Variants in AKIRIN1 observed in about 807,000 individuals in gnomAD.
AKIRIN1 encodes the protein akirin-1.
AKIRIN1 carries 4 observed loss-of-function variants against 25.9 expected under a neutral mutation model. That is an observed-to-expected ratio of 0.15 (90% CI 0.08 to 0.35). The LOEUF (loss-of-function observed/expected upper bound fraction) is 0.35. Ranked by LOEUF, AKIRIN1 falls within the 10% of genes least tolerant of loss-of-function variation. AKIRIN1 has a pLI of 1.00. For synonymous variants in AKIRIN1, 125 were observed against 105.1 expected, an observed-to-expected ratio of 1.19 and a Z score of -1.16; for missense variants, 243 against 266.1, an observed-to-expected ratio of 0.91 and a Z score of 0.61.
intron 2 of AKIRIN1, 88 bp from the exon 3 acceptor site, chr1:39,000,884 T>A: frequency 7.1e-7 from 1 of 1,416,180 alleles, no homozygotes; most frequent in South Asian, 1.5e-5. Context: ...CCACCTCAGA[T>A]GATCCGCCTG....
chr1:38,991,517 C>A lies in AKIRIN1; in HGVS notation c.137C>A (p.Pro46Gln). 6.9e-7 allele frequency: 1 copy of A among 1,456,106 alleles called. No homozygotes were observed. The highest frequency in any genetic ancestry group is 9.0e-7 in the Non-Finnish European group (1 of 1,108,924). 90.2% of individuals were successfully genotyped at this position (1,456,106 alleles called of 1,614,324 possible). ...PGLRPPDAEP[P>Q]PPFQTQTPPQ... The stretch of plus-strand genomic sequence containing the variant: ...CTCAGGCCCCCGGACGCCGAGCCGC[C>A]GCCGCCGTTTCAGACGCAGACCCCA... Residue 46 changes from proline to glutamine, a missense_variant, in exon 1 of 5, where the codon CCG (proline) becomes CAG (glutamine). Physicochemically the swap from Pro to Gln is moderately conservative, Grantham distance 76 (BLOSUM62 -1). Transcript: ENST00000432648.
chr1:39,003,525 C>A, intron 4 of AKIRIN1, 107 bp downstream of exon 4: 2 of 1,006,968 alleles, frequency 2.0e-6, no homozygotes, highest in South Asian at 1.4e-5. Flanking sequence ...TAAAATGTGC[C>A]CAGCACTATG....
intron 3 of AKIRIN1, among the ~76,000 whole-genome samples, chr1:39,002,867 T>A (rs1360880385): frequency 1.3e-5 from 2 of 152,248 alleles, no homozygotes; most frequent in Admixed American, 6.5e-5. Flanking sequence ...CAGTTTCCCC[T>A]TAAAAGGTGG....
chr1:39,002,470 C>T (rs893505500), intron 3 of AKIRIN1, among the ~76,000 whole-genome samples: 3 of 152,192 alleles, frequency 2.0e-5, no homozygotes, highest in African/African-American at 7.2e-5. Flanking sequence ...GTGGCTCACG[C>T]CTGTAATCCC....
At chr1:39,000,806 C>T (rs1231272288) in intron 2 of AKIRIN1, among the ~76,000 whole-genome samples, 166 bp from the exon 3 acceptor site, 1 of 151,562 alleles carries the variant, frequency 6.6e-6, no homozygotes, top group African/African-American at 2.4e-5. Context: ...ATGGGCATGC[C>T]CTACCACGCC....
rs1644030778 is a variant in AKIRIN1, at chr1:39,005,905, A to C, written c.*1850A>C. 1 of 152,200 alleles carries C rather than the reference A, an allele frequency of 6.6e-6. No individual in the cohort carries two copies. The highest frequency in any genetic ancestry group is 2.4e-5 in the African/African-American group (1 of 41,450). 9.4% of individuals were successfully genotyped at this position (152,200 alleles called of 1,614,324 possible). On this transcript the variant is annotated 3_prime_UTR_variant, in exon 5 of 5. Transcript: ENST00000432648. Reference sequence around the variant, plus strand: ...GCTATTTGTTTACCTTGCCTTCTTAATACTGTGATAATGTTTATTAATTCA... The same window carrying C: ...GCTATTTGTTTACCTTGCCTTCTTACTACTGTGATAATGTTTATTAATTCA...
chr1:38,998,136 A>C, intron 1 of AKIRIN1, 35 bp from the exon 2 acceptor site: 1 of 1,589,682 alleles, frequency 6.3e-7, no homozygotes, highest in Non-Finnish European at 8.6e-7. Flanking sequence ...ATGAGACAAT[A>C]AAGTGAAAGC....
At chr1:39,001,202 C>G in intron 3 of AKIRIN1, 96 bp downstream of exon 3, 2 of 1,409,434 alleles carry the variant, frequency 1.4e-6, no homozygotes, top group South Asian at 1.5e-5. Context: ...GGACCTCATG[C>G]AAGGGAGTTT....
rs1458972133 is a variant in AKIRIN1 at position 39,001,117 on chromosome 1, G to A, written c.496+11G>A. On this transcript the variant is annotated intron_variant, in intron 3 of 4. Coordinates refer to ENST00000432648, the MANE Select transcript of AKIRIN1 (RefSeq NM_024595.3). ...ATACCAAACTAGCAGGTAGGCCCAGGCAGTGACTGCCATTGTCATTAACAG... is the reference window on the plus strand; with the variant it reads ...ATACCAAACTAGCAGGTAGGCCCAGACAGTGACTGCCATTGTCATTAACAG... 1.2e-6 allele frequency: 2 copies of A among 1,601,650 alleles called. No individual in the cohort carries two copies. Among genetic ancestry groups the A allele is most frequent in the Middle Eastern group, 3.3e-4 (2 of 6,002 alleles).
At chr1:39,000,131 G>A (rs138235861) in intron 2 of AKIRIN1, among the ~76,000 whole-genome samples, 1,534 of 151,700 alleles carry the variant, frequency 0.01, 23 homozygotes, top group African/African-American at 0.035. Context: ...TGATCAACCC[G>A]TCTTGGCCTC....
At chr1:38,991,668 G>GT in intron 1 of AKIRIN1, 68 bp downstream of exon 1, 3 of 648,120 alleles carry the variant, frequency 4.6e-6, no homozygotes, top group East Asian at 9.4e-5. Flanking sequence ...GGTGGTGGGG[G>GT]AGGGTTGGGA....
At position 38,994,324 on chromosome 1, in the gene AKIRIN1, G is replaced by C. The variant is rs1555747; in HGVS notation, c.220+2724G>C. Among the ~76,000 whole-genome samples the C allele has an allele frequency of 3.0e-3, 457 of 152,240 alleles. 2 individuals are homozygous for C. Among genetic ancestry groups the C allele is most frequent in the Non-Finnish European group, 3.7e-3 (255 of 68,014 alleles). On this transcript the variant is annotated intron_variant, in intron 1 of 4. Transcript: ENST00000432648. ...TCTGTATGGTACTTTTTGTGGAAAG[G>C]TCCTGTAAAACTAAGCCTTTTATTG...
Position 39,004,960 on chromosome 1 carries a change from G to A in AKIRIN1, c.*905G>A, listed in dbSNP as rs1644023584. ...CAGGGCTAGGCCTGGGCCAGGCCCC[G>A]GCAGCACTGCTACTTGGGAGGAGCC... On this transcript the variant is annotated 3_prime_UTR_variant, in exon 5 of 5. Transcript: ENST00000432648. 1.3e-5 allele frequency: 2 copies of A among 152,258 alleles called. No homozygotes were observed. Among genetic ancestry groups the A allele is most frequent in the African/African-American group, 4.8e-5 (2 of 41,444 alleles). 9.4% of individuals were successfully genotyped at this position (152,258 alleles called of 1,614,324 possible).
chr1:39,005,240 G>A lies in AKIRIN1; in HGVS notation c.*1185G>A, dbSNP rs1223893335. 8 of 151,850 alleles carry A rather than the reference G, an allele frequency of 5.3e-5. No homozygotes were observed. The highest frequency in any genetic ancestry group is 1.2e-4 in the Non-Finnish European group (8 of 67,986). 9.4% of individuals were successfully genotyped at this position (151,850 alleles called of 1,614,324 possible). A position where few individuals can be genotyped will look rare whatever the true frequency, so the allele number is the denominator to read the frequency against. On this transcript the variant is annotated 3_prime_UTR_variant, in exon 5 of 5. Coordinates refer to ENST00000432648, the MANE Select transcript of AKIRIN1 (RefSeq NM_024595.3). ...GGAGAATCACTTGAACCCTGGAGGT[G>A]GCGGTTGCAGTGAGCACAGATCATG...
At chr1:39,003,774 T>C (rs981239693) in intron 4 of AKIRIN1, among the ~76,000 whole-genome samples, 5 of 152,262 alleles carry the variant, frequency 3.3e-5, no homozygotes, top group African/African-American at 1.2e-4. Flanking sequence ...TTTATGAAAG[T>C]TGATTCCTTA....
chr1:39,001,733 A>G (rs1465032712), intron 3 of AKIRIN1, among the ~76,000 whole-genome samples: 3 of 152,194 alleles, frequency 2.0e-5, no homozygotes, highest in Non-Finnish European at 4.4e-5. Context: ...GCATTTCTGA[A>G]AAGAAACAAA....
chr1:38,994,648 G>A (rs1056078544), intron 1 of AKIRIN1, among the ~76,000 whole-genome samples: 2 of 142,094 alleles, frequency 1.4e-5, no homozygotes, highest in Admixed American at 7.5e-5. Flanking sequence ...TGGGATTACA[G>A]GCATGTGTCA....
chr1:38,998,201 A>G lies in AKIRIN1; in HGVS notation c.251A>G (p.Tyr84Cys), dbSNP rs1570973711. 2.5e-6 allele frequency: 4 copies of G among 1,612,698 alleles called. No individual in the cohort carries two copies. The highest frequency in any genetic ancestry group is 2.5e-6 in the Non-Finnish European group (3 of 1,179,492). ...EQIFQNIKQE[Y>C]SRYQRWRHLE... ...ATTTTTCAGAACATAAAACAAGAATATAGTCGTTATCAGAGGTGGAGACAT... is the reference window on the plus strand; with the variant it reads ...ATTTTTCAGAACATAAAACAAGAATGTAGTCGTTATCAGAGGTGGAGACAT... Residue 84 changes from tyrosine to cysteine, a missense_variant, in exon 2 of 5, where the codon TAT becomes TGT. Coordinates refer to ENST00000432648, the MANE Select transcript of AKIRIN1 (RefSeq NM_024595.3).
At position 38,998,175 on chromosome 1, in the gene AKIRIN1, A is replaced by T; in HGVS notation, c.225A>T (p.Gln75His). Residue 75 changes from glutamine to histidine, a missense_variant, in exon 2 of 5, where the codon CAA becomes CAT. By Grantham distance (24) the Gln-to-His change is conservative (BLOSUM62 0). Around this residue, in one of 3 missense-constraint regions of AKIRIN1, gnomAD observed 190 missense variants for 174.4 expected, o/e 1.09. Transcript: ENST00000432648. ...AGTTTGTTTCTTTTTTATTAGAGCAAATTTTTCAGAACATAAAACAAGAAT... is the reference window on the plus strand; with the variant it reads ...AGTTTGTTTCTTTTTTATTAGAGCATATTTTTCAGAACATAAAACAAGAAT... ...GSERRLPTPEQIFQNIKQEYS... is the reference protein window; with the variant it reads ...GSERRLPTPEHIFQNIKQEYS... The T allele has an allele frequency of 6.2e-7, 1 of 1,602,766 alleles. No individual in the cohort carries two copies. Among genetic ancestry groups the T allele is most frequent in the Non-Finnish European group, 8.5e-7 (1 of 1,176,052 alleles).
Sources: gnomAD v4.1 joint callset for allele counts (sites outside exome capture counted in the v4.1 genomes callset) on GRCh38, gnomAD v4.1.1 for gene constraint, gnomAD v4.1.1 regional missense constraint, MANE v1.5 for transcripts, NCBI Gene and HGNC (gene_info 2026-07-23, HGNC 2026-07-21) for gene names.